The following HHIPL1 variants were observed in gnomAD, a reference collection of about 807,000 sequenced individuals.
HHIPL1 encodes the protein HHIP-like protein 1.
HHIPL1 carries 43 observed loss-of-function variants against 61.8 expected under a neutral mutation model. The observed-to-expected ratio is 0.70, with a 90% CI of 0.55 to 0.90. The LOEUF is 0.90. Among genes scored for constraint, HHIPL1 ranks in the 40% least tolerant of loss-of-function variants. The pLI is 0.00. For missense variants in HHIPL1, 1,056 were observed against 1,157.7 expected (o/e 0.91, Z 1.28); for synonymous variants, 482 against 515.8 (o/e 0.93, Z 0.89).
Position 99,676,012 on chromosome 14 carries a change from C to T in HHIPL1, c.*386C>T, listed in dbSNP as rs971514516. On this transcript the variant is annotated 3_prime_UTR_variant, in exon 9 of 9. Transcript: ENST00000330710. ...AGAGGCACAGCTTGCAGACTGAGGGCGGTGGGGAGAACCAGGCTTGTCCTG... is the reference window on the plus strand; with the variant it reads ...AGAGGCACAGCTTGCAGACTGAGGGTGGTGGGGAGAACCAGGCTTGTCCTG... The T allele has an allele frequency of 9.1e-5, 19 of 208,198 alleles. No homozygotes were observed. Among genetic ancestry groups the T allele is most frequent in the African/African-American group, 3.7e-4 (16 of 43,586 alleles). 12.9% of individuals were successfully genotyped at this position (208,198 alleles called of 1,614,324 possible). A position where few individuals can be genotyped will look rare whatever the true frequency, so the allele number is the denominator to read the frequency against.
chr14:99,626,120 A>G, the HHIPL1 span, among the ~76,000 whole-genome samples: 9 of 151,844 alleles, frequency 5.9e-5, no homozygotes, highest in African/African-American at 9.7e-5. Flanking sequence ...CTTTGACGCT[A>G]TGAGAATGGG....
At chr14:99,662,792 T>C (rs1239497507) in intron 5 of HHIPL1, 84 bp from the exon 6 acceptor site, 3 of 1,258,690 alleles carry the variant, frequency 2.4e-6, no homozygotes, top group East Asian at 4.8e-5. Context: ...GATACATGGA[T>C]GGATGGATGG....
chr14:99,668,209 G>A lies in HHIPL1; in HGVS notation c.1649-13G>A. On this transcript the variant is annotated splice_polypyrimidine_tract_variant and intron_variant, in intron 6 of 8. Transcript: ENST00000330710. This position sits in a 1 kb window ranked among gnomAD's most constrained non-coding sequence, Gnocchi z 4.7. ...AGGTGGGGGTCTCACTAGTCACTTT[G>A]TTCTGTCCAAAGGGGAGCTGTACTT... The A allele has an allele frequency of 6.3e-7, 1 of 1,576,958 alleles. No individual in the cohort carries two copies. Among genetic ancestry groups the A allele is most frequent in the Non-Finnish European group, 8.7e-7 (1 of 1,146,232 alleles).
the HHIPL1 span, among the ~76,000 whole-genome samples, chr14:99,605,912 G>A: frequency 1.7e-3 from 257 of 152,316 alleles, 4 homozygotes; most frequent in Non-Finnish European, 3.2e-4. Flanking sequence ...GAAGAGGCGT[G>A]AGAGCTGAGG....
In HHIPL1 at chr14:99,660,224, C is replaced by T; in HGVS notation, c.1376-56C>T. 5 of 1,608,466 alleles carry T rather than the reference C, an allele frequency of 3.1e-6. No individual in the cohort carries two copies. The South Asian group carries it at 5.5e-5, about 18-fold the overall frequency. On this transcript the variant is annotated intron_variant, in intron 4 of 8. Coordinates refer to ENST00000330710, the MANE Select transcript of HHIPL1 (RefSeq NM_001127258.3). This position sits in a 1 kb window ranked among gnomAD's most constrained non-coding sequence, Gnocchi z 4.9. ...CGGAATCCCTCCGGAATTCTCCTGG[C>T]TGATGAACCTTCCCGCCGCTGGCTC... is the stretch of plus-strand genomic sequence containing the variant.
Position 99,647,580 on chromosome 14 carries a change from C to T in HHIPL1, c.255+2118C>T, listed in dbSNP as rs559764921. Among the ~76,000 whole-genome samples the T allele has an allele frequency of 3.9e-5, 6 of 152,336 alleles. No homozygotes were observed. The South Asian group carries it at 6.2e-4, about 16-fold the overall frequency. On this transcript the variant is annotated intron_variant, in intron 1 of 8. Transcript: ENST00000330710. ...GTGACCACTAACACTTCAGCCCAGG[C>T]GTCTCTGAGAGTGACCTCATGTCTG...
chr14:99,614,454 C>T, the HHIPL1 span, among the ~76,000 whole-genome samples: 14 of 152,164 alleles, frequency 9.2e-5, no homozygotes, highest in Non-Finnish European at 1.9e-4. Context: ...GTCAGGCTCT[C>T]GGAGCAAGGG....
chr14:99,620,198 A>G, the HHIPL1 span, among the ~76,000 whole-genome samples: 1,029 of 152,324 alleles, frequency 6.8e-3, 8 homozygotes, highest in African/African-American at 0.023. Flanking sequence ...TGGAGGTCAC[A>G]GGAAACAAGA....
In HHIPL1 at chr14:99,652,745, C is replaced by T; in HGVS notation, c.777C>T (p.Ser259=). The T allele has an allele frequency of 6.2e-7, 1 of 1,614,072 alleles. No homozygotes were observed. Among genetic ancestry groups the T allele is most frequent in the East Asian group, 2.2e-5 (1 of 44,880 alleles). Residue 259 remains serine, a synonymous_variant, in exon 2 of 9, where the codon AGC becomes AGT. Coordinates refer to ENST00000330710, the MANE Select transcript of HHIPL1 (RefSeq NM_001127258.3). ...RGFLGIAFHP[S]FQHNRRLYVY... ...TCCTGGGCATTGCCTTCCACCCCAG[C>T]TTCCAGCACAACCGCAGGCTCTACG... is the stretch of plus-strand genomic sequence containing the variant.
rs1005867615 is a variant in HHIPL1 at position 99,677,441 on chromosome 14, T to C, written c.*1815T>C. Reference sequence around the variant, plus strand: ...GCCCCCGCTGCTGGCCTCATGCTCCTCTCGGGCCTCCAGTGGCCCAGGGGA... The same window carrying C: ...GCCCCCGCTGCTGGCCTCATGCTCCCCTCGGGCCTCCAGTGGCCCAGGGGA... On this transcript the variant is annotated 3_prime_UTR_variant, in exon 9 of 9. Transcript: ENST00000330710. This position sits in a 1 kb window ranked among gnomAD's most constrained non-coding sequence, Gnocchi z 4.3. The C allele has an allele frequency of 6.6e-6, 1 of 152,258 alleles. No homozygotes were observed. The highest frequency in any genetic ancestry group is 1.5e-5 in the Non-Finnish European group (1 of 68,102). 9.4% of individuals were successfully genotyped at this position (152,258 alleles called of 1,614,324 possible).
intron 1 of HHIPL1, among the ~76,000 whole-genome samples, chr14:99,649,087 G>A (rs1433052604): frequency 6.6e-6 from 1 of 152,168 alleles, no homozygotes; most frequent in Admixed American, 6.5e-5. Context: ...ATGTCTTCTT[G>A]TCACTTCCTA....
At chr14:99,653,887 G>A (rs906913713) in intron 2 of HHIPL1, among the ~76,000 whole-genome samples, 1 of 152,222 alleles carries the variant, frequency 6.6e-6, no homozygotes, top group Admixed American at 6.5e-5. Context: ...AGTTACTCAT[G>A]TGTTAGAAAT....
At chr14:99,619,710 C>T in the HHIPL1 span, among the ~76,000 whole-genome samples, 1 of 151,106 alleles carries the variant, frequency 6.6e-6, no homozygotes, top group Non-Finnish European at 1.5e-5. Context: ...ACCTCCAAGC[C>T]CCCCCGCCCC....
chr14:99,615,286 G>A, the HHIPL1 span, among the ~76,000 whole-genome samples: 4 of 152,116 alleles, frequency 2.6e-5, no homozygotes, highest in African/African-American at 9.7e-5. Context: ...AGTGGCTCAC[G>A]CCTGTAATCC....
upstream of HHIPL1, among the ~76,000 whole-genome samples, chr14:99,643,902 T>C (rs546128013): frequency 2.0e-5 from 3 of 152,334 alleles, no homozygotes; most frequent in African/African-American, 7.2e-5. Flanking sequence ...TTGGCTCCAG[T>C]AACATCTGCT....
chr14:99,619,173 C>T, the HHIPL1 span, among the ~76,000 whole-genome samples: 42 of 152,184 alleles, frequency 2.8e-4, no homozygotes, highest in East Asian at 6.6e-3. Flanking sequence ...TAGAGTTGGC[C>T]GGGCACGGTG....
chr14:99,659,344 G>A (rs2056101594), intron 3 of HHIPL1, 84 bp from the exon 4 acceptor site: 1 of 1,137,400 alleles, frequency 8.8e-7, no homozygotes, highest in East Asian at 3.2e-5. Context: ...GCGGTCAGCC[G>A]GCGCCCCAGC....
At chr14:99,615,651 G>GAAAA in the HHIPL1 span, among the ~76,000 whole-genome samples, 2 of 145,216 alleles carry the variant, frequency 1.4e-5, no homozygotes, top group South Asian at 4.4e-4. Flanking sequence ...AAGGAAGAGA[G>GAAAA]AGAGAGAAAG....
the HHIPL1 span, among the ~76,000 whole-genome samples, chr14:99,619,387 G>A: frequency 1.6e-4 from 25 of 151,678 alleles, no homozygotes; most frequent in South Asian, 2.1e-4. Flanking sequence ...GCTTGAACCC[G>A]GGAGGCAGAG....
Sources: allele counts gnomAD v4.1 joint callset (sites outside exome capture counted in the v4.1 genomes callset), GRCh38; gene constraint gnomAD v4.1.1; non-coding constraint Gnocchi (gnomAD v3.1); transcripts MANE v1.5; gene names NCBI Gene and HGNC (gene_info 2026-07-23, HGNC 2026-07-21).